The following KCNQ1 variants were observed in gnomAD, a reference collection of about 807,000 sequenced individuals.
The protein encoded by KCNQ1 is potassium voltage-gated channel subfamily KQT member 1.
A neutral mutation model predicts 72.4 loss-of-function variants in KCNQ1; 49 were observed. The observed-to-expected ratio is 0.68, with a 90% CI of 0.54 to 0.86. KCNQ1 has a LOEUF of 0.86. Among genes scored for constraint, KCNQ1 ranks in the 40% least tolerant of loss-of-function variants. The pLI is 0.00. For synonymous variants in KCNQ1, 450 were observed against 412.6 expected, an observed-to-expected ratio of 1.09 and a Z score of -1.10; for missense variants, 790 against 945.1, an observed-to-expected ratio of 0.84 and a Z score of 2.15.
rs1846626281 is a variant in KCNQ1 at position 2,479,829 on chromosome 11, ATC to A, written c.386+34349_386+34350del. On this transcript the variant is annotated intron_variant, in intron 1 of 15. Coordinates refer to ENST00000155840, the MANE Select transcript of KCNQ1 (RefSeq NM_000218.3). The surrounding 1 kb of genome is among the most constrained non-coding windows in gnomAD (Gnocchi z 4.6). Reference sequence around the variant, plus strand: ...CAGACTGCAAATTTTCTGAACTTTTATCTCTGTTTCCCTTTCAAAACTGAATG... The same window carrying A: ...CAGACTGCAAATTTTCTGAACTTTTATCTGTTTCCCTTTCAAAACTGAATG... Among the ~76,000 whole-genome samples, 1 of 152,100 alleles carries A rather than the reference ATC, an allele frequency of 6.6e-6. No individual in the cohort carries two copies. Among genetic ancestry groups the A allele is most frequent in the Non-Finnish European group, 1.5e-5 (1 of 68,012 alleles).
rs1348791849 is a variant in KCNQ1, at chr11:2,828,940, T to C, written c.1795-18827T>C. ...ACGGTATCCAATTTCTTAACAGCAA[T>C]TCAGAAAGCTAGCACATAGTAGAGA... On this transcript the variant is annotated intron_variant, in intron 15 of 15. Coordinates refer to ENST00000155840, the MANE Select transcript of KCNQ1 (RefSeq NM_000218.3). The surrounding 1 kb of genome is among the most constrained non-coding windows in gnomAD (Gnocchi z 5.3). Among the ~76,000 whole-genome samples, 1 of 152,104 alleles carries C rather than the reference T, an allele frequency of 6.6e-6. No individual in the cohort carries two copies. Among genetic ancestry groups the C allele is most frequent in the Non-Finnish European group, 1.5e-5 (1 of 68,010 alleles).
chr11:2,459,565 A>G (rs1846244061), intron 1 of KCNQ1, among the ~76,000 whole-genome samples: 1 of 152,064 alleles, frequency 6.6e-6, no homozygotes, highest in Non-Finnish European at 1.5e-5. Flanking sequence ...CACTGTGGCG[A>G]CTGGCAGTAC....
intron 15 of KCNQ1, among the ~76,000 whole-genome samples, chr11:2,823,072 G>A (rs1187326381): frequency 6.6e-6 from 1 of 152,112 alleles, no homozygotes; most frequent in East Asian, 1.9e-4. Context: ...TCCAGAAAGG[G>A]AGATGAGAGG....
At chr11:2,625,936 A>G (rs1589989193) in intron 10 of KCNQ1, 1 of 398,576 alleles carries the variant, frequency 2.5e-6, no homozygotes, top group East Asian at 3.6e-5. Context: ...TATAATCTGG[A>G]CATTAATCCC....
intron 11 of KCNQ1, chr11:2,694,411 A>G (rs1850639033): frequency 2.5e-6 from 1 of 398,580 alleles, no homozygotes. Context: ...TCAACTAGGT[A>G]GAGACCAGGC....
chr11:2,616,379 AG>A (rs1183117158), intron 10 of KCNQ1: 1 of 397,720 alleles, frequency 2.5e-6, no homozygotes, highest in Non-Finnish European at 4.4e-6. Context: ...TGTTTATTTA[AG>A]CTCGAATTCA....
chr11:2,617,050 T>G lies in KCNQ1; in HGVS notation c.1393+28196T>G. 1 of 398,218 alleles carries G rather than the reference T, an allele frequency of 2.5e-6. No individual in the cohort carries two copies. The highest frequency in any genetic ancestry group is 3.6e-5 in the East Asian group (1 of 28,034). The allele number at this position is 398,218 out of a possible 1,614,324, so 24.7% of individuals were successfully genotyped here. On this transcript the variant is annotated intron_variant, in intron 10 of 15. Coordinates refer to ENST00000155840, the MANE Select transcript of KCNQ1 (RefSeq NM_000218.3). The surrounding 1 kb of genome is among the most constrained non-coding windows in gnomAD (Gnocchi z 4.6). Reference sequence around the variant, plus strand: ...TAACATAGTGATGCAAATTAATATGTCCATCATCTCACAGTTATTCTTTTG... The same window carrying G: ...TAACATAGTGATGCAAATTAATATGGCCATCATCTCACAGTTATTCTTTTG...
intron 11 of KCNQ1, chr11:2,665,267 A>G (rs181904656): frequency 2.1e-4 from 85 of 398,544 alleles, no homozygotes; most frequent in Non-Finnish European, 3.7e-4. Context: ...AAACTCCCTG[A>G]GCCTGTGTCT....
At position 2,782,703 on chromosome 11, in the gene KCNQ1, T is replaced by C. The variant is rs1846844083; in HGVS notation, c.1794+4666T>C. ...TATATATTCTAGGAATTTATACATTTCATTTTAGTTTCCATGTTCATTGGC... is the reference window on the plus strand; with the variant it reads ...TATATATTCTAGGAATTTATACATTCCATTTTAGTTTCCATGTTCATTGGC... On this transcript the variant is annotated intron_variant, in intron 15 of 15. Coordinates refer to ENST00000155840, the MANE Select transcript of KCNQ1 (RefSeq NM_000218.3). This position sits in a 1 kb window ranked among gnomAD's most constrained non-coding sequence, Gnocchi z 6.1. Among the ~76,000 whole-genome samples, 1 of 152,224 alleles carries C rather than the reference T, an allele frequency of 6.6e-6. No homozygotes were observed. Among genetic ancestry groups the C allele is most frequent in the South Asian group, 2.1e-4 (1 of 4,838 alleles).
intron 11 of KCNQ1, among the ~76,000 whole-genome samples, chr11:2,719,613 C>T (rs1205919648): frequency 6.6e-6 from 1 of 152,194 alleles, no homozygotes; most frequent in Non-Finnish European, 1.5e-5. Context: ...TTTGTTATCA[C>T]CCAAATGCTG....
chr11:2,649,316 G>T (rs1383781677), intron 10 of KCNQ1: 3 of 397,728 alleles, frequency 7.5e-6, no homozygotes, highest in African/African-American at 2.1e-5. Context: ...CAATTTTTTG[G>T]TTTTCTGTAG....
chr11:2,485,184 G>A (rs976046523), intron 1 of KCNQ1, among the ~76,000 whole-genome samples: 3 of 152,206 alleles, frequency 2.0e-5, no homozygotes, highest in Non-Finnish European at 4.4e-5. Flanking sequence ...AGATTTATCT[G>A]TTAGGTTGGT....
At chr11:2,583,387 C>A in intron 6 of KCNQ1, 48 bp from the exon 7 acceptor site, 1 of 1,388,682 alleles carries the variant, frequency 7.2e-7, no homozygotes, top group Non-Finnish European at 1.0e-6. Flanking sequence ...TTGGCCCTCC[C>A]GAGGCTCCAG....
In KCNQ1 at chr11:2,745,770, C is replaced by A. The variant is rs1846130210; in HGVS notation, c.1515-23074C>A. On this transcript the variant is annotated intron_variant, in intron 11 of 15. Transcript: ENST00000155840. The surrounding 1 kb of genome is among the most constrained non-coding windows in gnomAD (Gnocchi z 6.2). ...CTCACTAAGCGTGCCTTGGAGAAGGCCGCTCAGCGAGGGCCGCCTTCAGGC... is the reference window on the plus strand; with the variant it reads ...CTCACTAAGCGTGCCTTGGAGAAGGACGCTCAGCGAGGGCCGCCTTCAGGC... Among the ~76,000 whole-genome samples, 2 of 152,240 alleles carry A rather than the reference C, an allele frequency of 1.3e-5. No individual in the cohort carries two copies. Among genetic ancestry groups the A allele is most frequent in the South Asian group, 4.1e-4 (2 of 4,836 alleles).
Position 2,612,482 on chromosome 11 carries a change from G to A in KCNQ1, c.1393+23628G>A, listed in dbSNP as rs144223872. ...GTCTGAATCATCTTTATGGATCTGC[G>A]TTGAAGTTCATTGATTCTTTCTTCT... is the stretch of plus-strand genomic sequence containing the variant. On this transcript the variant is annotated intron_variant, in intron 10 of 15. Coordinates refer to ENST00000155840, the MANE Select transcript of KCNQ1 (RefSeq NM_000218.3). The surrounding 1 kb of genome is among the most constrained non-coding windows in gnomAD (Gnocchi z 5.5). 774 of 398,436 alleles carry A rather than the reference G, an allele frequency of 1.9e-3. 17 individuals are homozygous for A. In the Admixed American group the frequency reaches 0.029, roughly 15 times the overall value. The allele number at this position is 398,436 out of a possible 1,614,324, so 24.7% of individuals were successfully genotyped here.
At chr11:2,628,371 A>G (rs1218593441) in intron 10 of KCNQ1, 11 of 398,290 alleles carry the variant, frequency 2.8e-5, no homozygotes, top group Non-Finnish European at 4.4e-5. Flanking sequence ...TTTCATTTGC[A>G]TTTCCCTGAT....
chr11:2,688,518 C>G, intron 11 of KCNQ1: 1 of 398,660 alleles, frequency 2.5e-6, no homozygotes. Context: ...AGGTAGAGGT[C>G]ACACAGCCAG....
rs980367542 is a variant in KCNQ1, at chr11:2,579,620, C to G, written c.922-3815C>G. On this transcript the variant is annotated intron_variant, in intron 6 of 15. Transcript: ENST00000155840. The surrounding 1 kb of genome is among the most constrained non-coding windows in gnomAD (Gnocchi z 6.0). ...TAACTTGAGGATGAGGGTCTGGGGCCGGGTCTGGGCAGACAGGCAGACCAG... is the reference window on the plus strand; with the variant it reads ...TAACTTGAGGATGAGGGTCTGGGGCGGGGTCTGGGCAGACAGGCAGACCAG... 6.6e-6 allele frequency among the ~76,000 whole-genome samples: 1 copy of G among 152,164 alleles called. No individual in the cohort carries two copies. Among genetic ancestry groups the G allele is most frequent in the South Asian group, 2.1e-4 (1 of 4,822 alleles).
At chr11:2,597,035 G>T (rs955250847) in intron 10 of KCNQ1, among the ~76,000 whole-genome samples, 12 of 151,996 alleles carry the variant, frequency 7.9e-5, no homozygotes, top group Admixed American at 6.6e-4. Context: ...AGAAGTTAAA[G>T]GATATTAAAA....
Sources: allele counts gnomAD v4.1 joint callset (sites outside exome capture counted in the v4.1 genomes callset), GRCh38; gene constraint gnomAD v4.1.1; non-coding constraint Gnocchi (gnomAD v3.1); transcripts MANE v1.5; gene names NCBI Gene and HGNC (gene_info 2026-07-23, HGNC 2026-07-21).